The following PCCB variants were observed in gnomAD, a reference collection of about 807,000 sequenced individuals.
The protein encoded by PCCB is propionyl-CoA carboxylase subunit beta, also known as propionyl-CoA carboxylase beta chain, mitochondrial.
In PCCB, 43 loss-of-function variants were observed where a neutral mutation model predicts 60.7. The ratio of observed to expected loss-of-function variants is 0.71; its 90% confidence interval spans 0.55 to 0.91. PCCB has a LOEUF of 0.91. PCCB is among the 40% of genes least tolerant of loss of function. The probability of loss-of-function intolerance (pLI) is 0.00; values close to 1 mark genes in which losing one functional copy is unlikely to be tolerated. For missense variants in PCCB, 766 were observed against 702.8 expected (o/e 1.09, Z -1.02); for synonymous variants, 276 against 255.9 (o/e 1.08, Z -0.75).
At chr3:136,267,935 G>C (rs1029751444) in intron 5 of PCCB, among the ~76,000 whole-genome samples, 1 of 144,158 alleles carries the variant, frequency 6.9e-6, no homozygotes, top group Admixed American at 6.9e-5. Context: ...TTTTTTTGTA[G>C]GTTTGGCTCT....
chr3:136,281,919 T>C (rs1942486845), intron 5 of PCCB, among the ~76,000 whole-genome samples: 1 of 152,174 alleles, frequency 6.6e-6, no homozygotes, highest in Non-Finnish European at 1.5e-5. Flanking sequence ...GTAATTTCCT[T>C]AAATGTCTGT....
intron 1 of PCCB, among the ~76,000 whole-genome samples, chr3:136,252,629 G>T (rs530798007): frequency 1.3e-5 from 2 of 149,692 alleles, no homozygotes; most frequent in South Asian, 2.1e-4. Flanking sequence ...CTGGGCTCCA[G>T]TGATCCTTCC....
intron 1 of PCCB, chr3:136,255,465 C>T (rs1266500000): frequency 6.8e-6 from 2 of 296,206 alleles, no homozygotes; most frequent in South Asian, 3.3e-5. Context: ...TGTGTCAGAT[C>T]CTTCACTAAG....
chr3:136,320,829 A>G (rs185877120), intron 10 of PCCB, among the ~76,000 whole-genome samples: 25 of 152,240 alleles, frequency 1.6e-4, no homozygotes, highest in Admixed American at 1.1e-3. Context: ...TTTCTTGTCT[A>G]ATTGCTCTGG....
chr3:136,261,864 T>G, intron 4 of PCCB, 88 bp from the exon 5 acceptor site: 1 of 917,380 alleles, frequency 1.1e-6, no homozygotes, highest in South Asian at 1.4e-5. Flanking sequence ...ACTCAGAACG[T>G]TTTCCAGAAA....
At chr3:136,273,114 T>G (rs1202174614) in intron 5 of PCCB, among the ~76,000 whole-genome samples, 1 of 152,226 alleles carries the variant, frequency 6.6e-6, no homozygotes, top group Non-Finnish European at 1.5e-5. Flanking sequence ...TCCATGTATT[T>G]GTATAGTTTT....
intron 5 of PCCB, among the ~76,000 whole-genome samples, chr3:136,282,536 T>C (rs528709093): frequency 2.5e-4 from 38 of 152,224 alleles, no homozygotes; most frequent in Non-Finnish European, 4.4e-4. Flanking sequence ...TTCAAATTAA[T>C]ACTGACTTAA....
At position 136,330,088 on chromosome 3, in the gene PCCB, T is replaced by A; in HGVS notation, c.*62T>A. On this transcript the variant is annotated 3_prime_UTR_variant, in exon 15 of 15. Transcript: ENST00000251654. ...TGTCTGCCCATTCACATCCCATTCC[T>A]GCCTTTTGCAATCATGAAACCTGGG... is the stretch of plus-strand genomic sequence containing the variant. 3.7e-6 allele frequency: 6 copies of A among 1,611,462 alleles called. No homozygotes were observed. The highest frequency in any genetic ancestry group is 1.7e-4 in the Middle Eastern group (1 of 6,052).
At chr3:136,261,816 G>C in intron 4 of PCCB, 136 bp from the exon 5 acceptor site, 1 of 693,072 alleles carries the variant, frequency 1.4e-6, no homozygotes, top group Non-Finnish European at 2.7e-6. Flanking sequence ...GTGATGGGGA[G>C]TGAAACCAGT....
At chr3:136,265,627 GAT>G (rs1464334713) in intron 5 of PCCB, among the ~76,000 whole-genome samples, 9 of 152,118 alleles carry the variant, frequency 5.9e-5, no homozygotes, top group African/African-American at 1.9e-4. Flanking sequence ...ACTTTGTGTG[GAT>G]ATATGTTTTC....
intron 10 of PCCB, among the ~76,000 whole-genome samples, chr3:136,321,094 C>T (rs1430709755): frequency 6.6e-6 from 1 of 152,090 alleles, no homozygotes; most frequent in African/African-American, 2.4e-5. Flanking sequence ...TTTTGTCCTT[C>T]CTTTTGTTAA....
Position 136,256,627 on chromosome 3 carries a change from T to A in PCCB, c.372+4T>A, listed in dbSNP as rs755664332. 3 of 1,596,436 alleles carry A rather than the reference T, an allele frequency of 1.9e-6. No individual in the cohort carries two copies. In the South Asian group the frequency reaches 3.3e-5, roughly 18 times the overall value. ...ATTGGTTTATGTCTTCAGTCAGGTA[T>A]TTCATAACTCCAATAGTCTGAACTT... On this transcript the variant is annotated splice_donor_region_variant and intron_variant, in intron 3 of 14. Coordinates refer to ENST00000251654, the MANE Select transcript of PCCB (RefSeq NM_000532.5).
At chr3:136,281,812 C>G (rs1376680594) in intron 5 of PCCB, among the ~76,000 whole-genome samples, 1 of 152,142 alleles carries the variant, frequency 6.6e-6, no homozygotes, top group Non-Finnish European at 1.5e-5. Flanking sequence ...TCTGTTTGAA[C>G]TTTTGCAAGC....
At chr3:136,262,169 TTGTGTC>T in intron 5 of PCCB, 104 bp downstream of exon 5, 1 of 770,240 alleles carries the variant, frequency 1.3e-6, no homozygotes, top group Non-Finnish European at 2.3e-6. Context: ...CTCTGCCGCA[TTGTGTC>T]TGTTCTGTGG....
chr3:136,316,320 T>C (rs1934892699), intron 9 of PCCB, among the ~76,000 whole-genome samples: 1 of 152,096 alleles, frequency 6.6e-6, no homozygotes, highest in African/African-American at 2.4e-5. Context: ...TTTATTTTTA[T>C]TTATTTATTT....
At chr3:136,256,098 A>G (rs1181694083) in intron 2 of PCCB, 123 bp downstream of exon 2, 4 of 1,392,036 alleles carry the variant, frequency 2.9e-6, no homozygotes, top group African/African-American at 2.9e-5. Context: ...TGCAGACATC[A>G]AGCCCAGATA....
At chr3:136,266,754 A>T (rs1039722166) in intron 5 of PCCB, among the ~76,000 whole-genome samples, 1 of 152,088 alleles carries the variant, frequency 6.6e-6, no homozygotes, top group African/African-American at 2.4e-5. Flanking sequence ...CCATCTCGTA[A>T]TTGGGTTTTT....
chr3:136,256,089 G>T, intron 2 of PCCB, 114 bp downstream of exon 2: 2 of 1,442,348 alleles, frequency 1.4e-6, no homozygotes, highest in Non-Finnish European at 9.7e-7. Flanking sequence ...CAGAGGCACT[G>T]CAGACATCAA....
rs143305743 is a variant in PCCB, at chr3:136,262,533, C to T, written c.543+468C>T. On this transcript the variant is annotated intron_variant, in intron 5 of 14. Transcript: ENST00000251654. The stretch of plus-strand genomic sequence containing the variant: ...GATCCTACCATTCAGAAACATTTGG[C>T]GAACCTCATTACTGATATCTCTTTG... Among the ~76,000 whole-genome samples the T allele has an allele frequency of 1.2e-3, 182 of 152,156 alleles. 1 individual carries two copies. Among genetic ancestry groups the T allele is most frequent in the South Asian group, 3.1e-3 (15 of 4,820 alleles).
Sources: allele counts gnomAD v4.1 joint callset (sites outside exome capture counted in the v4.1 genomes callset), GRCh38; gene constraint gnomAD v4.1.1; transcripts MANE v1.5; gene names NCBI Gene and HGNC (gene_info 2026-07-23, HGNC 2026-07-21).